Variants in PTPRN2 observed in about 807,000 individuals in gnomAD.
The protein encoded by PTPRN2 is protein tyrosine phosphatase receptor type N2.
In PTPRN2, 74 loss-of-function variants were observed where a neutral mutation model predicts 118.8. The ratio of observed to expected loss-of-function variants is 0.62; its 90% confidence interval spans 0.52 to 0.76. The LOEUF (loss-of-function observed/expected upper bound fraction) is 0.76. Ranked by LOEUF, PTPRN2 falls within the 30% of genes least tolerant of loss-of-function variation. The pLI, the probability that PTPRN2 is intolerant of heterozygous loss-of-function variation, is 0.00. For missense variants in PTPRN2, 1,481 were observed against 1,394.4 expected (o/e 1.06, Z -0.99); for synonymous variants, 641 against 608.0 (o/e 1.05, Z -0.80).
At chr7:158,250,352 T>C (rs1796577011) in intron 3 of PTPRN2, among the ~76,000 whole-genome samples, 1 of 152,184 alleles carries the variant, frequency 6.6e-6, no homozygotes, top group Admixed American at 6.6e-5. Flanking sequence ...AGGTTATTTA[T>C]TGTTATACAT....
In PTPRN2 at chr7:157,583,820, T is replaced by G. The variant is rs1253145404; in HGVS notation, c.2497-5680A>C. Among the ~76,000 whole-genome samples the G allele has an allele frequency of 6.6e-6, 1 of 151,070 alleles. No homozygotes were observed. The highest frequency in any genetic ancestry group is 1.9e-4 in the East Asian group (1 of 5,134). Reference sequence around the variant, plus strand: ...CTGCTTGTGCCTGGAAGGCAGAGGTTGCAGTGAGCTGAGATCATGCCACTG... The same window carrying G: ...CTGCTTGTGCCTGGAAGGCAGAGGTGGCAGTGAGCTGAGATCATGCCACTG... On this transcript the variant is annotated intron_variant, in intron 17 of 22. Transcript: ENST00000389418. This position sits in a 1 kb window ranked among gnomAD's most constrained non-coding sequence, Gnocchi z 5.5.
At chr7:158,408,500 G>A (rs1008773811) in intron 2 of PTPRN2, among the ~76,000 whole-genome samples, 4 of 152,324 alleles carry the variant, frequency 2.6e-5, no homozygotes, top group African/African-American at 9.6e-5. Flanking sequence ...AGAACTGCAC[G>A]TGGTGGACTC....
intron 12 of PTPRN2, among the ~76,000 whole-genome samples, chr7:157,717,223 T>C (rs1798969520): frequency 6.6e-6 from 1 of 152,256 alleles, no homozygotes; most frequent in Non-Finnish European, 1.5e-5. Flanking sequence ...GCACATTTGG[T>C]GGGTCCAACA....
intron 9 of PTPRN2, among the ~76,000 whole-genome samples, chr7:158,131,834 A>G (rs1231400454): frequency 1.3e-5 from 2 of 148,800 alleles, no homozygotes; most frequent in African/African-American, 5.0e-5. Context: ...ACACACATCT[A>G]CCCAACACAC....
Position 157,674,477 on chromosome 7 carries a change from A to G in PTPRN2, c.2001+8248T>C, listed in dbSNP as rs564966296. Among the ~76,000 whole-genome samples, 5 of 152,326 alleles carry G rather than the reference A, an allele frequency of 3.3e-5. No homozygotes were observed. The East Asian group carries it at 9.6e-4, about 29-fold the overall frequency. Reference sequence around the variant, plus strand: ...TCCTCTTGTAACACCCAGCTCCTGCATGCCGTGGCGGCTCCAGCCATCATT... The same window carrying G: ...TCCTCTTGTAACACCCAGCTCCTGCGTGCCGTGGCGGCTCCAGCCATCATT... On this transcript the variant is annotated intron_variant, in intron 13 of 22. Coordinates refer to ENST00000389418, the MANE Select transcript of PTPRN2 (RefSeq NM_002847.5). The surrounding 1 kb of genome is among the most constrained non-coding windows in gnomAD (Gnocchi z 4.5).
intron 2 of PTPRN2, among the ~76,000 whole-genome samples, chr7:158,323,935 TCACA>T (rs775548826): frequency 1.9e-3 from 288 of 151,452 alleles, no homozygotes; most frequent in Admixed American, 3.5e-3. Context: ...ATACACACAC[TCACA>T]CGCACCCACG....
intron 14 of PTPRN2, among the ~76,000 whole-genome samples, chr7:157,650,831 C>T (rs1207168545): frequency 1.3e-5 from 2 of 152,334 alleles, no homozygotes; most frequent in South Asian, 2.1e-4. Flanking sequence ...GGCATGGTTT[C>T]GCGAGGCCCT....
At chr7:158,239,106 G>A (rs897909994) in intron 3 of PTPRN2, among the ~76,000 whole-genome samples, 1 of 152,178 alleles carries the variant, frequency 6.6e-6, no homozygotes, top group Non-Finnish European at 1.5e-5. Context: ...TCACCCCGGG[G>A]TGGGGGCCAC....
chr7:157,755,579 A>G (rs113673449), intron 12 of PTPRN2, among the ~76,000 whole-genome samples: 4 of 152,298 alleles, frequency 2.6e-5, no homozygotes, highest in African/African-American at 9.6e-5. Flanking sequence ...TTGCAGCAAC[A>G]TGGGTGCAGC....
chr7:157,776,873 C>A (rs1405736762), intron 12 of PTPRN2, among the ~76,000 whole-genome samples: 1 of 132,752 alleles, frequency 7.5e-6, no homozygotes, highest in African/African-American at 3.1e-5. Flanking sequence ...TCTCCTCCTC[C>A]TCCCTCTCCT....
intron 5 of PTPRN2, among the ~76,000 whole-genome samples, chr7:158,184,840 C>T (rs1207853992): frequency 6.6e-6 from 1 of 152,102 alleles, no homozygotes; most frequent in Non-Finnish European, 1.5e-5. Context: ...ATCTTCAATG[C>T]AGTGTTGAAT....
At chr7:158,475,547 C>T (rs1412620999) in intron 2 of PTPRN2, among the ~76,000 whole-genome samples, 2 of 152,136 alleles carry the variant, frequency 1.3e-5, no homozygotes, top group Admixed American at 6.5e-5. Context: ...AAAACACCCT[C>T]GGGAGGGCAC....
chr7:158,365,685 C>A (rs4909200), intron 2 of PTPRN2, among the ~76,000 whole-genome samples: 14 of 143,100 alleles, frequency 9.8e-5, no homozygotes, highest in Non-Finnish European at 1.5e-4. Context: ...TGGGAGAAGC[C>A]GCAGCCCAAT....
At chr7:157,655,618 C>T (rs550279504) in intron 14 of PTPRN2, among the ~76,000 whole-genome samples, 1 of 152,326 alleles carries the variant, frequency 6.6e-6, no homozygotes, top group Admixed American at 6.5e-5. Flanking sequence ...CAGGCTCTGC[C>T]CTTTCACCCC....
rs1388111633 is a variant in PTPRN2, at chr7:157,748,541, C to T, written c.1789-65604G>A. Among the ~76,000 whole-genome samples the T allele has an allele frequency of 6.8e-4, 65 of 95,506 alleles. 2 individuals are homozygous for T. The highest frequency in any genetic ancestry group is 1.6e-3 in the Admixed American group (15 of 9,434). 62.7% of individuals were successfully genotyped at this position (95,506 alleles called of 152,430 possible). On this transcript the variant is annotated intron_variant, in intron 12 of 22. Coordinates refer to ENST00000389418, the MANE Select transcript of PTPRN2 (RefSeq NM_002847.5). ...CTGCGTCTCTGAGCTGTGGGGTGTC[C>T]GGGTGATTCTGAGGCCTGCGTCCCT...
chr7:157,674,395 C>CT lies in PTPRN2; in HGVS notation c.2001+8329dup, dbSNP rs1311809819. Among the ~76,000 whole-genome samples, 4 of 152,226 alleles carry CT rather than the reference C, an allele frequency of 2.6e-5. No homozygotes were observed. The East Asian group carries it at 7.7e-4, about 29-fold the overall frequency. Reference sequence around the variant, plus strand: ...ATCCCCGTTTGACATTTGGAAATGACTTTCATCTGCTGGGTCCTCCTCGGT... The same window carrying CT: ...ATCCCCGTTTGACATTTGGAAATGACTTTTCATCTGCTGGGTCCTCCTCGGT... On this transcript the variant is annotated intron_variant, in intron 13 of 22. Coordinates refer to ENST00000389418, the MANE Select transcript of PTPRN2 (RefSeq NM_002847.5). The surrounding 1 kb of genome is among the most constrained non-coding windows in gnomAD (Gnocchi z 4.5).
intron 2 of PTPRN2, among the ~76,000 whole-genome samples, chr7:158,371,206 T>A (rs1809963121): frequency 6.6e-6 from 1 of 152,008 alleles, no homozygotes; most frequent in Non-Finnish European, 1.5e-5. Context: ...GGATCTCCAA[T>A]GGCTTAGATG....
intron 12 of PTPRN2, among the ~76,000 whole-genome samples, chr7:157,778,100 C>T (rs936237291): frequency 1.3e-5 from 2 of 152,164 alleles, no homozygotes; most frequent in Non-Finnish European, 2.9e-5. Context: ...GCAAACTCCG[C>T]GGTGACACCA....
In PTPRN2 at chr7:158,000,588, T is replaced by C. The variant is rs370021112; in HGVS notation, c.1723+80710A>G. On this transcript the variant is annotated intron_variant, in intron 11 of 22. Transcript: ENST00000389418. ...AGTTGGGGTGCAGGGTGGGGGCTGGTGTCCGGCCGCAGGTGGGGAGCAGGG... is the reference window on the plus strand; with the variant it reads ...AGTTGGGGTGCAGGGTGGGGGCTGGCGTCCGGCCGCAGGTGGGGAGCAGGG... 1.8e-4 allele frequency among the ~76,000 whole-genome samples: 7 copies of C among 38,516 alleles called. No individual in the cohort carries two copies. The South Asian group carries it at 4.3e-3, about 23-fold the overall frequency. 25.3% of individuals were successfully genotyped at this position (38,516 alleles called of 152,430 possible).
Sources: allele counts gnomAD v4.1 joint callset (sites outside exome capture counted in the v4.1 genomes callset), GRCh38; gene constraint gnomAD v4.1.1; non-coding constraint Gnocchi (gnomAD v3.1); transcripts MANE v1.5; gene names NCBI Gene and HGNC (gene_info 2026-07-23, HGNC 2026-07-21).